TMEFF1: variants seen among roughly 807,000 people sequenced by gnomAD.
TMEFF1 encodes transmembrane protein with EGF like and two follistatin like domains 1, also known as tomoregulin-1.
Under a neutral mutation model 47.5 loss-of-function variants are expected in TMEFF1, and 20 were observed. That is an observed-to-expected ratio of 0.42 (90% CI 0.30 to 0.61). TMEFF1 has a LOEUF of 0.61. Ranked by LOEUF, TMEFF1 falls within the 20% of genes least tolerant of loss-of-function variation. The pLI is 0.19. For synonymous variants in TMEFF1, 162 were observed against 166.3 expected (o/e 0.97, Z 0.20); for missense variants, 411 against 471.1 (o/e 0.87, Z 1.18).
intron 5 of TMEFF1, among the ~76,000 whole-genome samples, chr9:100,528,641 A>G (rs943570825): frequency 8.3e-6 from 1 of 119,974 alleles, no homozygotes; most frequent in Non-Finnish European, 1.7e-5. Flanking sequence ...TGATGGGGAG[A>G]ATGGAACCAA....
intron 8 of TMEFF1, 115 bp from the exon 9 acceptor site, chr9:100,572,403 C>T: frequency 8.4e-7 from 1 of 1,185,466 alleles, no homozygotes; most frequent in Non-Finnish European, 1.1e-6. Flanking sequence ...TAGGAAAGTG[C>T]ATGATATCCT....
intron 5 of TMEFF1, among the ~76,000 whole-genome samples, chr9:100,539,449 T>G (rs1838582374): frequency 6.6e-6 from 1 of 152,180 alleles, no homozygotes; most frequent in Admixed American, 6.6e-5. Context: ...TGTTCAGCTG[T>G]GTCTGGAGTT....
chr9:100,532,445 C>G (rs1175569773), intron 5 of TMEFF1, among the ~76,000 whole-genome samples: 5 of 152,172 alleles, frequency 3.3e-5, no homozygotes, highest in Admixed American at 2.0e-4. Context: ...ACAGACATTT[C>G]TCAAAAGAAG....
At chr9:100,572,981 T>TC (rs1400705641) in intron 9 of TMEFF1, among the ~76,000 whole-genome samples, 1 of 151,370 alleles carries the variant, frequency 6.6e-6, no homozygotes, top group Non-Finnish European at 1.5e-5. Context: ...TTAGTAGCAA[T>TC]CTTTTTTTTT....
At chr9:100,553,218 A>G (rs1431923645) in intron 7 of TMEFF1, among the ~76,000 whole-genome samples, 1 of 152,224 alleles carries the variant, frequency 6.6e-6, no homozygotes, top group Non-Finnish European at 1.5e-5. Context: ...TGAAAGACGA[A>G]ACCCAAATTG....
intron 1 of TMEFF1, among the ~76,000 whole-genome samples, chr9:100,486,251 A>T (rs1200898309): frequency 6.6e-6 from 1 of 152,128 alleles, no homozygotes; most frequent in African/African-American, 2.4e-5. Context: ...TTTTCATCAG[A>T]AAATTTTTGA....
intron 6 of TMEFF1, among the ~76,000 whole-genome samples, chr9:100,548,894 G>A (rs1375327644): frequency 1.3e-5 from 2 of 152,130 alleles, no homozygotes; most frequent in Admixed American, 1.3e-4. Flanking sequence ...CTTCTGGGTA[G>A]ATGTCCCACT....
At chr9:100,499,992 C>T (rs1382393075) in intron 2 of TMEFF1, among the ~76,000 whole-genome samples, 1 of 152,172 alleles carries the variant, frequency 6.6e-6, no homozygotes, top group Non-Finnish European at 1.5e-5. Flanking sequence ...TATCAGCCAC[C>T]TTCTGCCAAG....
intron 3 of TMEFF1, among the ~76,000 whole-genome samples, chr9:100,510,385 G>A (rs1019922757): frequency 2.0e-5 from 3 of 152,222 alleles, no homozygotes; most frequent in African/African-American, 7.2e-5. Flanking sequence ...TGGAGGCATG[G>A]ACAGAGTTAA....
intron 5 of TMEFF1, among the ~76,000 whole-genome samples, chr9:100,540,300 G>T (rs1838604378): frequency 6.6e-6 from 1 of 152,194 alleles, no homozygotes; most frequent in African/African-American, 2.4e-5. Flanking sequence ...GTGTTGATTG[G>T]TGCGTTTACA....
At position 100,553,957 on chromosome 9, in the gene TMEFF1, C is replaced by G. The variant is rs572835860; in HGVS notation, c.775+3797C>G. 1.2e-4 allele frequency among the ~76,000 whole-genome samples: 19 copies of G among 152,282 alleles called. No individual in the cohort carries two copies. The South Asian group carries it at 3.9e-3, about 32-fold the overall frequency. ...CCATTTCCACCTGCACAGGAAGTTTCTCTGTGGTATATGACATTTTAATGT... is the reference window on the plus strand; with the variant it reads ...CCATTTCCACCTGCACAGGAAGTTTGTCTGTGGTATATGACATTTTAATGT... On this transcript the variant is annotated intron_variant, in intron 7 of 9. Transcript: ENST00000374879.
At chr9:100,546,929 A>G (rs983638393) in intron 5 of TMEFF1, among the ~76,000 whole-genome samples, 1 of 152,214 alleles carries the variant, frequency 6.6e-6, no homozygotes, top group Non-Finnish European at 1.5e-5. Context: ...ACAGATAGAC[A>G]TGTAGCTAGA....
chr9:100,548,037 TA>T, intron 6 of TMEFF1, 145 bp downstream of exon 6: 1 of 1,008,262 alleles, frequency 9.9e-7, no homozygotes, highest in Non-Finnish European at 1.3e-6. Flanking sequence ...TCAGATTTTT[TA>T]TTACTAATTT....
chr9:100,498,740 G>A, intron 1 of TMEFF1, 25 bp from the exon 2 acceptor site: 4 of 1,610,712 alleles, frequency 2.5e-6, no homozygotes, highest in Admixed American at 1.7e-5. Context: ...AAATATATAT[G>A]TCAAACAATT....
At chr9:100,539,666 G>A (rs1838590029) in intron 5 of TMEFF1, among the ~76,000 whole-genome samples, 1 of 152,182 alleles carries the variant, frequency 6.6e-6, no homozygotes, top group East Asian at 1.9e-4. Context: ...CCCAAAGAGT[G>A]AGCAGCAGCA....
At chr9:100,561,576 C>A in intron 8 of TMEFF1, 56 bp downstream of exon 8, 1 of 1,570,850 alleles carries the variant, frequency 6.4e-7, no homozygotes, top group Non-Finnish European at 8.6e-7. Flanking sequence ...ATGGTTGTTG[C>A]TCTATAGAAG....
intron 5 of TMEFF1, 22 bp from the exon 6 acceptor site, chr9:100,547,722 T>C (rs752162670): frequency 6.8e-7 from 1 of 1,466,112 alleles, no homozygotes; most frequent in South Asian, 1.5e-5. Flanking sequence ...AAAATATAGG[T>C]AATTTTTGTC....
intron 5 of TMEFF1, among the ~76,000 whole-genome samples, chr9:100,533,971 C>T (rs1311173761): frequency 6.6e-6 from 1 of 152,140 alleles, no homozygotes; most frequent in Non-Finnish European, 1.5e-5. Context: ...CCCACCTCGA[C>T]CTTCTAAAGT....
At chr9:100,548,006 ATT>A (rs991456245) in intron 6 of TMEFF1, 114 bp downstream of exon 6, 15 of 1,191,238 alleles carry the variant, frequency 1.3e-5, no homozygotes, top group Non-Finnish European at 1.6e-5. Flanking sequence ...TCGAAGCTTT[ATT>A]TTTTTATTAC....
Sources: allele counts gnomAD v4.1 joint callset (sites outside exome capture counted in the v4.1 genomes callset), GRCh38; gene constraint gnomAD v4.1.1; transcripts MANE v1.5; gene names NCBI Gene and HGNC (gene_info 2026-07-23, HGNC 2026-07-21).